FERRY3: variants seen among roughly 807,000 people sequenced by gnomAD.
FERRY3 encodes the protein FERRY endosomal RAB5 effector complex subunit 3.
At chr12:4,527,655 A>G in the FERRY3 span, among the ~76,000 whole-genome samples, 8 of 152,184 alleles carry the variant, frequency 5.3e-5, no homozygotes, top group Non-Finnish European at 8.8e-5. Flanking sequence ...GTGAATTTCA[A>G]CTTACCTTAA....
chr12:4,509,656 AGG>A, the FERRY3 span, among the ~76,000 whole-genome samples: 8 of 143,668 alleles, frequency 5.6e-5, no homozygotes, highest in African/African-American at 1.4e-4. Context: ...CTCACACGGC[AGG>A]GTATTCCAAC....
chr12:4,506,756 T>C, the FERRY3 span, among the ~76,000 whole-genome samples: 3 of 152,148 alleles, frequency 2.0e-5, no homozygotes, highest in African/African-American at 7.2e-5. Context: ...ATAAACATTT[T>C]TGGCTTTTTA....
At chr12:4,490,018 G>A in the FERRY3 span, 2 of 634,674 alleles carry the variant, frequency 3.2e-6, no homozygotes, top group Non-Finnish European at 2.6e-6. Flanking sequence ...TGCAGTAGGT[G>A]AAAATTATCT....
the FERRY3 span, chr12:4,490,443 G>T: frequency 8.7e-7 from 1 of 1,153,790 alleles, no homozygotes; most frequent in Non-Finnish European, 1.2e-6. Flanking sequence ...TGGGATTTTA[G>T]GGCAGGATGC....
chr12:4,516,921 A>G, the FERRY3 span: 1 of 829,404 alleles, frequency 1.2e-6, no homozygotes, highest in Non-Finnish European at 1.6e-6. Flanking sequence ...CTTTCTAAAT[A>G]GAAAAAACTT....
the FERRY3 span, among the ~76,000 whole-genome samples, chr12:4,521,843 A>G: frequency 6.6e-6 from 1 of 152,252 alleles, no homozygotes; most frequent in South Asian, 2.1e-4. Context: ...TCTAGAAGAA[A>G]AAACACAGGA....
chr12:4,519,298 C>G, the FERRY3 span, among the ~76,000 whole-genome samples: 6 of 151,786 alleles, frequency 4.0e-5, no homozygotes, highest in Non-Finnish European at 8.8e-5. This position sits in a 1 kb window ranked among gnomAD's most constrained non-coding sequence, Gnocchi z 4.3. Flanking sequence ...AATTTAAAGT[C>G]AAATAAAGTA....
the FERRY3 span, among the ~76,000 whole-genome samples, chr12:4,513,996 C>G: frequency 6.6e-5 from 10 of 151,252 alleles, no homozygotes; most frequent in South Asian, 2.1e-3. Context: ...ACCTACTCAT[C>G]TGACAAAGGG....
At chr12:4,534,629 G>A in the FERRY3 span, among the ~76,000 whole-genome samples, 6 of 151,968 alleles carry the variant, frequency 3.9e-5, no homozygotes, top group African/African-American at 1.2e-4. Flanking sequence ...TCTTGAACTC[G>A]TCAGCTCAAG....
the FERRY3 span, among the ~76,000 whole-genome samples, chr12:4,520,751 T>TC: frequency 6.6e-6 from 1 of 151,802 alleles, no homozygotes; most frequent in South Asian, 2.1e-4. Flanking sequence ...CACCACCTAT[T>TC]CCCCAAAAAC....
At chr12:4,504,354 A>C in the FERRY3 span, among the ~76,000 whole-genome samples, 1 of 152,342 alleles carries the variant, frequency 6.6e-6, no homozygotes, top group Middle Eastern at 3.4e-3. Context: ...TTAGTTAAAA[A>C]ATTGTATAAA....
chr12:4,508,492 C>T, the FERRY3 span, among the ~76,000 whole-genome samples: 1 of 152,154 alleles, frequency 6.6e-6, no homozygotes, highest in African/African-American at 2.4e-5. Flanking sequence ...TGCCTGTAAT[C>T]CCAGCACTTT....
the FERRY3 span, among the ~76,000 whole-genome samples, chr12:4,516,865 T>C: frequency 1.3e-5 from 2 of 152,118 alleles, no homozygotes; most frequent in African/African-American, 2.4e-5. Flanking sequence ...AAAGTAAAAG[T>C]TGAAGGAAAA....
the FERRY3 span, among the ~76,000 whole-genome samples, chr12:4,530,697 T>G: frequency 2.6e-5 from 4 of 152,082 alleles, no homozygotes; most frequent in Non-Finnish European, 5.9e-5. Context: ...TTTAAGGATA[T>G]AAAAATGGTA....
the FERRY3 span, among the ~76,000 whole-genome samples, chr12:4,523,969 A>T: frequency 3.1e-4 from 45 of 145,120 alleles, no homozygotes; most frequent in African/African-American, 8.5e-4. Context: ...AAAAAAATTT[A>T]AAAAAAAAGA....
chr12:4,536,040 C>T, the FERRY3 span: 23 of 1,578,434 alleles, frequency 1.5e-5, no homozygotes, highest in South Asian at 2.6e-4. Context: ...GCACGGTAAA[C>T]TGTGCAGCAG....
chr12:4,522,976 A>T, the FERRY3 span, among the ~76,000 whole-genome samples: 21 of 152,352 alleles, frequency 1.4e-4, no homozygotes, highest in Middle Eastern at 3.4e-3. Flanking sequence ...ATGAAATAAA[A>T]CTACCAAAAA....
At chr12:4,523,362 G>A in the FERRY3 span, among the ~76,000 whole-genome samples, 2 of 152,134 alleles carry the variant, frequency 1.3e-5, no homozygotes, top group Non-Finnish European at 2.9e-5. Context: ...ACTGTTGGTG[G>A]GACTGTAAAC....
At chr12:4,510,955 A>G in the FERRY3 span, among the ~76,000 whole-genome samples, 1 of 152,158 alleles carries the variant, frequency 6.6e-6, no homozygotes, top group Non-Finnish European at 1.5e-5. Flanking sequence ...AAATTGGATA[A>G]AGAGTCAAGA....
Sources: gnomAD v4.1 joint callset for allele counts (sites outside exome capture counted in the v4.1 genomes callset) on GRCh38, gnomAD v4.1.1 for gene constraint, Gnocchi (gnomAD v3.1) non-coding constraint, MANE v1.5 for transcripts, NCBI Gene and HGNC (gene_info 2026-07-23, HGNC 2026-07-21) for gene names.